SETD3: variants seen among roughly 807,000 people sequenced by gnomAD.
SETD3 encodes the protein actin-histidine N-methyltransferase.
A neutral mutation model predicts 63.0 loss-of-function variants in SETD3; 19 were observed. The ratio of observed to expected loss-of-function variants is 0.30; its 90% CI spans 0.21 to 0.44. The LOEUF is 0.44. Ranked by LOEUF, SETD3 falls within the 20% of genes least tolerant of loss-of-function variation. SETD3 has a pLI of 1.00. For missense variants in SETD3, 587 were observed against 728.5 expected (o/e 0.81, Z 2.24); for synonymous variants, 286 against 264.1 (o/e 1.08, Z -0.80).
chr14:99,398,616 G>A lies in SETD3; in HGVS notation c.*63C>T, dbSNP rs534882940. ...AAAAATGTTAACAAGGAAACACAGC[G>A]ATGTGAACGGACTGTCCGTCAACTC... On this transcript the variant is annotated 3_prime_UTR_variant, in exon 13 of 13. Coordinates refer to ENST00000331768, the MANE Select transcript of SETD3 (RefSeq NM_032233.3). The A allele has an allele frequency of 1.3e-5, 18 of 1,404,654 alleles. No homozygotes were observed. The highest frequency in any genetic ancestry group is 7.5e-5 in the Admixed American group (4 of 53,544). 87.0% of individuals were successfully genotyped at this position (1,404,654 alleles called of 1,614,324 possible).
chr14:99,414,562 C>G (rs1202769189), intron 6 of SETD3, among the ~76,000 whole-genome samples: 1 of 152,180 alleles, frequency 6.6e-6, no homozygotes, highest in East Asian at 1.9e-4. Context: ...AGGATAACGA[C>G]AAAACAGATC....
intron 6 of SETD3, among the ~76,000 whole-genome samples, chr14:99,416,627 A>G (rs557929709): frequency 5.9e-5 from 9 of 152,154 alleles, no homozygotes; most frequent in Non-Finnish European, 8.8e-5. Flanking sequence ...TGTCAGAAAG[A>G]CGACAGTGAG....
intron 1 of SETD3, among the ~76,000 whole-genome samples, chr14:99,472,281 G>A (rs1239670151): frequency 6.6e-6 from 1 of 152,176 alleles, no homozygotes; most frequent in South Asian, 2.1e-4. Context: ...CAAGAAGGAT[G>A]ACTAAATTTT....
At chr14:99,426,420 G>T (rs182498750) in intron 6 of SETD3, among the ~76,000 whole-genome samples, 14 of 152,344 alleles carry the variant, frequency 9.2e-5, no homozygotes, top group Middle Eastern at 6.8e-3. Context: ...GGTGGACACT[G>T]ACAAATAGTC....
chr14:99,425,905 T>C (rs1184284005), intron 6 of SETD3, among the ~76,000 whole-genome samples: 2 of 152,320 alleles, frequency 1.3e-5, no homozygotes, highest in East Asian at 3.9e-4. Context: ...CTTTGTCAGT[T>C]AAGACTCTAT....
chr14:99,471,561 G>C (rs1895707109), intron 1 of SETD3, among the ~76,000 whole-genome samples: 1 of 152,212 alleles, frequency 6.6e-6, no homozygotes, highest in African/African-American at 2.4e-5. Context: ...CTTGAGCCCA[G>C]GAGTTCGAGG....
At chr14:99,459,010 G>T (rs1272761622) in intron 5 of SETD3, 103 bp downstream of exon 5, 9 of 730,480 alleles carry the variant, frequency 1.2e-5, no homozygotes, top group South Asian at 2.1e-5. Context: ...GGAATATTTC[G>T]CCAGTCGAGA....
chr14:99,414,964 T>G lies in SETD3; in HGVS notation c.676-1030A>C, dbSNP rs183348321. Among the ~76,000 whole-genome samples, 14 of 152,370 alleles carry G rather than the reference T, an allele frequency of 9.2e-5. No individual in the cohort carries two copies. The East Asian group carries it at 2.7e-3, about 29-fold the overall frequency. The stretch of plus-strand genomic sequence containing the variant: ...TAATTTATCATCGCTCACTGTAATG[T>G]ACTCGCTGGCACCCTACGCAGGACA... On this transcript the variant is annotated intron_variant, in intron 6 of 12. Transcript: ENST00000331768.
intron 6 of SETD3, among the ~76,000 whole-genome samples, chr14:99,435,373 G>C (rs1402721057): frequency 6.6e-6 from 1 of 152,086 alleles, no homozygotes; most frequent in East Asian, 1.9e-4. Context: ...CCTTTGTTGT[G>C]ATCAGCTGTT....
At chr14:99,465,517 G>A (rs914265092) in intron 2 of SETD3, among the ~76,000 whole-genome samples, 186 bp downstream of exon 2, 7 of 152,170 alleles carry the variant, frequency 4.6e-5, no homozygotes, top group East Asian at 3.9e-4. Flanking sequence ...CAGTTCTGAC[G>A]GGTGTTTCCA....
intron 6 of SETD3, among the ~76,000 whole-genome samples, chr14:99,440,735 G>GA (rs34715965): frequency 0.015 from 1,949 of 133,604 alleles, 39 homozygotes; most frequent in African/African-American, 0.049. Flanking sequence ...AACACTGGGT[G>GA]AAAAAAAAAA....
intron 1 of SETD3, 49 bp downstream of exon 1, chr14:99,480,679 A>C (rs1896256963): frequency 6.7e-6 from 1 of 150,112 alleles, no homozygotes; most frequent in Admixed American, 6.6e-5. Flanking sequence ...ACGCGGCGCG[A>C]GTTTCCCCCG....
intron 6 of SETD3, among the ~76,000 whole-genome samples, chr14:99,437,047 T>A (rs924248479): frequency 1.3e-5 from 2 of 152,170 alleles, no homozygotes; most frequent in Admixed American, 6.5e-5. Flanking sequence ...GATATGAGAT[T>A]AAGTCCAGGG....
At chr14:99,420,453 G>A (rs888980662) in intron 6 of SETD3, among the ~76,000 whole-genome samples, 6 of 152,086 alleles carry the variant, frequency 3.9e-5, no homozygotes, top group South Asian at 2.1e-4. Context: ...CTGGGACAGC[G>A]GAGGAAAGCT....
chr14:99,424,747 A>G lies in SETD3; in HGVS notation c.676-10813T>C, dbSNP rs77805370. ...CAAAAGGAAAGGAAGTTCTTGTCAC[A>G]TGGTCTCAGTTTTCTCAGCAGTGCA... On this transcript the variant is annotated intron_variant, in intron 6 of 12. Coordinates refer to ENST00000331768, the MANE Select transcript of SETD3 (RefSeq NM_032233.3). Among the ~76,000 whole-genome samples the G allele has an allele frequency of 1.9e-4, 29 of 152,194 alleles. No homozygotes were observed. The East Asian group carries it at 5.4e-3, about 29-fold the overall frequency.
intron 6 of SETD3, among the ~76,000 whole-genome samples, chr14:99,455,231 C>CCAT (rs1325297904): frequency 6.6e-6 from 1 of 152,210 alleles, no homozygotes; most frequent in Non-Finnish European, 1.5e-5. Context: ...TCCTTCCCTC[C>CCAT]CATCACTCAA....
At chr14:99,461,901 G>A (rs1202451862) in intron 3 of SETD3, among the ~76,000 whole-genome samples, 1 of 152,164 alleles carries the variant, frequency 6.6e-6, no homozygotes, top group Non-Finnish European at 1.5e-5. Context: ...AACACTAAAT[G>A]TACCACAGTG....
At position 99,458,586 on chromosome 14, in the gene SETD3, C is replaced by T; in HGVS notation, c.419-51G>A. ...GTAAGTTCCACAAACTTCTTAAAAA[C>T]TTCATTTAAATATACGTTTACAAAT... On this transcript the variant is annotated intron_variant, in intron 5 of 12. Coordinates refer to ENST00000331768, the MANE Select transcript of SETD3 (RefSeq NM_032233.3). 3 of 1,571,116 alleles carry T rather than the reference C, an allele frequency of 1.9e-6. No homozygotes were observed. In the South Asian group the frequency reaches 3.6e-5, roughly 19 times the overall value.
chr14:99,433,913 A>G (rs1384070853), intron 6 of SETD3, among the ~76,000 whole-genome samples: 1 of 152,198 alleles, frequency 6.6e-6, no homozygotes, highest in Admixed American at 6.5e-5. Context: ...ACCAAGCGCT[A>G]ATGAGGGAGT....
Sources: gnomAD v4.1 joint callset for allele counts (sites outside exome capture counted in the v4.1 genomes callset) on GRCh38, gnomAD v4.1.1 for gene constraint, MANE v1.5 for transcripts, NCBI Gene and HGNC (gene_info 2026-07-23, HGNC 2026-07-21) for gene names.